PAM16: variants seen among roughly 807,000 people sequenced by gnomAD.
PAM16 encodes the protein presequence translocase associated motor 16, also known as mitochondrial import inner membrane translocase subunit TIM16.
A neutral mutation model predicts 17.9 loss-of-function variants in PAM16; 11 were observed. That is an observed-to-expected ratio of 0.62 (90% CI 0.39 to 1.02). PAM16 has a LOEUF of 1.02. Among genes scored for constraint, PAM16 ranks in the 50% least tolerant of loss-of-function variants. PAM16 has a pLI of 0.01. For missense variants in PAM16, 199 were observed against 165.4 expected (o/e 1.20, Z -1.11); for synonymous variants, 72 against 67.4 (o/e 1.07, Z -0.34).
intron 3 of PAM16, 93 bp from the exon 4 acceptor site, chr16:4,341,078 A>T (rs112260815): frequency 7.5e-6 from 11 of 1,468,574 alleles, no homozygotes; most frequent in Non-Finnish European, 2.8e-6. Flanking sequence ...AGGCAACAGG[A>T]CTCCTCTCCA....
intron 1 of PAM16, chr16:4,348,123 G>C (rs1015962516): frequency 6.6e-5 from 10 of 152,192 alleles, no homozygotes; most frequent in African/African-American, 2.2e-4. Context: ...GAATAGATAC[G>C]GGCATCACAA....
chr16:4,343,634 G>A lies in PAM16; in HGVS notation c.4-343C>T, dbSNP rs569355248. ...ACTGTGGTCTGGGAGCCAGAACACA[G>A]GGACAGCCCTGGACCTGGCAGTAAC... On this transcript the variant is annotated intron_variant, in intron 1 of 4. Transcript: ENST00000318059. 2.7e-5 allele frequency: 34 copies of A among 1,263,286 alleles called. 1 individual carries two copies. The East Asian group carries it at 9.6e-4, about 36-fold the overall frequency. The allele number at this position is 1,263,286 out of a possible 1,614,324, so 78.3% of individuals were successfully genotyped here. A position where few individuals can be genotyped will look rare whatever the true frequency, so the allele number is the denominator to read the frequency against.
intron 1 of PAM16, chr16:4,350,838 C>T (rs1450303655): frequency 5.5e-6 from 1 of 181,110 alleles, no homozygotes; most frequent in Non-Finnish European, 1.1e-5. Flanking sequence ...AGGTCAGCCA[C>T]TTCCCTGGAA....
intron 4 of PAM16, 49 bp downstream of exon 4, chr16:4,340,868 GAGA>G (rs2053633149): frequency 4.4e-6 from 7 of 1,605,574 alleles, no homozygotes; most frequent in South Asian, 1.1e-5. Context: ...AGCCCCAGGT[GAGA>G]AGAAGGGGTC....
intron 2 of PAM16, 75 bp downstream of exon 2, chr16:4,343,132 G>A: frequency 1.3e-6 from 2 of 1,595,520 alleles, no homozygotes; most frequent in Non-Finnish European, 1.7e-6. Context: ...CCAGGCCTGA[G>A]GTGCCCATGG....
chr16:4,350,294 TTA>T (rs1277891224), intron 1 of PAM16, among the ~76,000 whole-genome samples: 1 of 150,006 alleles, frequency 6.7e-6, no homozygotes, highest in Non-Finnish European at 1.5e-5. Context: ...TATGTATATA[TTA>T]TGTGTGTGTG....
intron 1 of PAM16, among the ~76,000 whole-genome samples, chr16:4,350,349 TATAAC>T (rs914855560): frequency 1.3e-5 from 2 of 149,452 alleles, no homozygotes; most frequent in Non-Finnish European, 3.0e-5. Flanking sequence ...TAAAAATATA[TATAAC>T]ATAATAATAT....
chr16:4,343,487 C>T (rs2053684132), intron 1 of PAM16, 196 bp from the exon 2 acceptor site: 1 of 1,427,386 alleles, frequency 7.0e-7, no homozygotes, highest in Non-Finnish European at 9.1e-7. Flanking sequence ...ACTCACTGGA[C>T]AGGCAGGCAG....
At chr16:4,351,093 AC>A (rs1357481268) in intron 1 of PAM16, 138 bp downstream of exon 1, 3 of 403,758 alleles carry the variant, frequency 7.4e-6, no homozygotes, top group Non-Finnish European at 1.2e-5. Context: ...CCCGGGTGCA[AC>A]GCCCCCAGAC....
At chr16:4,345,414 G>A (rs2053741430) in intron 1 of PAM16, 1 of 152,158 alleles carries the variant, frequency 6.6e-6, no homozygotes, top group Admixed American at 6.5e-5. Flanking sequence ...ATCTGTCACA[G>A]CAGTCACTAC....
chr16:4,345,558 G>C (rs1370971553), intron 1 of PAM16: 2 of 152,214 alleles, frequency 1.3e-5, no homozygotes, highest in South Asian at 2.1e-4. Flanking sequence ...CAGCCTCCGA[G>C]GACCTGCTCT....
chr16:4,342,627 C>G (rs1302800699), intron 2 of PAM16, among the ~76,000 whole-genome samples: 4 of 151,632 alleles, frequency 2.6e-5, no homozygotes, highest in Non-Finnish European at 2.9e-5. Context: ...GCACTCCAGC[C>G]TGGGCAACAA....
At chr16:4,340,640 C>T (rs2053629523) in intron 4 of PAM16, among the ~76,000 whole-genome samples, 1 of 152,224 alleles carries the variant, frequency 6.6e-6, no homozygotes, top group Non-Finnish European at 1.5e-5. Flanking sequence ...TCTAGCACCC[C>T]ACCCACGGGG....
chr16:4,349,978 C>A (rs976401409), intron 1 of PAM16, among the ~76,000 whole-genome samples: 3 of 152,146 alleles, frequency 2.0e-5, no homozygotes, highest in South Asian at 2.1e-4. Context: ...GGCACTTGTA[C>A]GCCGTTAGCT....
At chr16:4,344,144 C>G (rs2053695844) in intron 1 of PAM16, 1 of 394,534 alleles carries the variant, frequency 2.5e-6, no homozygotes, top group East Asian at 3.6e-5. Context: ...GCGGAAGCAA[C>G]AGAGTCGAGG....
intron 3 of PAM16, 21 bp from the exon 4 acceptor site, chr16:4,341,006 G>C: frequency 1.2e-6 from 2 of 1,612,820 alleles, no homozygotes; most frequent in Non-Finnish European, 1.7e-6. Context: ...GAGGGGACGG[G>C]TGAGAGGGCT....
At chr16:4,343,367 C>T (rs540413295) in intron 1 of PAM16, 76 bp from the exon 2 acceptor site, 26 of 1,534,150 alleles carry the variant, frequency 1.7e-5, no homozygotes, top group South Asian at 7.2e-5. Context: ...AAACGGCTGC[C>T]GAGGGGCAAG....
At chr16:4,346,865 G>C (rs1372534142) in intron 1 of PAM16, 1 of 152,106 alleles carries the variant, frequency 6.6e-6, no homozygotes, top group Admixed American at 6.6e-5. Context: ...GATTACAGGT[G>C]AACACAACCA....
intron 1 of PAM16, among the ~76,000 whole-genome samples, chr16:4,346,176 A>G (rs2053755851): frequency 6.6e-6 from 1 of 152,212 alleles, no homozygotes; most frequent in Non-Finnish European, 1.5e-5. Context: ...TGGACGGCCC[A>G]TTGAGGCCAG....
Sources: allele counts gnomAD v4.1 joint callset (sites outside exome capture counted in the v4.1 genomes callset), GRCh38; gene constraint gnomAD v4.1.1; transcripts MANE v1.5; gene names NCBI Gene and HGNC (gene_info 2026-07-23, HGNC 2026-07-21).